The following CSMD1 variants were observed in gnomAD, a reference collection of about 807,000 sequenced individuals.
CSMD1 encodes CUB and sushi domain-containing protein 1.
A neutral mutation model predicts 417.5 loss-of-function variants in CSMD1; 213 were observed. That is an observed-to-expected ratio of 0.51 (90% CI 0.46 to 0.57). CSMD1 has a LOEUF of 0.57. CSMD1 is among the 20% of genes least tolerant of loss of function. The pLI is 0.00. For missense variants in CSMD1, 6,923 were observed against 4,529.7 expected, an observed-to-expected ratio of 1.53 and a Z score of -15.17; for synonymous variants, 2,862 against 1,736.8, an observed-to-expected ratio of 1.65 and a Z score of -16.11.
chr8:3,710,702 G>C (rs1423016125), intron 6 of CSMD1, among the ~76,000 whole-genome samples: 1 of 152,152 alleles, frequency 6.6e-6, no homozygotes, highest in Non-Finnish European at 1.5e-5. Flanking sequence ...CAGCGACACT[G>C]TGCAGTATTT....
intron 25 of CSMD1, among the ~76,000 whole-genome samples, chr8:3,298,874 C>T (rs1046116069): frequency 6.6e-5 from 10 of 152,268 alleles, no homozygotes; most frequent in African/African-American, 1.7e-4. Flanking sequence ...AGATAATTTT[C>T]CCTTTCTTTA....
chr8:4,338,784 T>TTAGTTTACCCAAATTGAACCCAAA (rs1563070956), intron 3 of CSMD1, among the ~76,000 whole-genome samples: 1 of 152,092 alleles, frequency 6.6e-6, no homozygotes, highest in Non-Finnish European at 1.5e-5. Flanking sequence ...ATGAATCATA[T>TTAGTTTACCCAAATTGAACCCAAA]TGATATTAGT....
intron 7 of CSMD1, among the ~76,000 whole-genome samples, chr8:3,706,399 G>C (rs1791012914): frequency 6.6e-6 from 1 of 152,092 alleles, no homozygotes; most frequent in South Asian, 2.1e-4. Flanking sequence ...ACCTTTCTTT[G>C]GAATGACACA....
intron 5 of CSMD1, among the ~76,000 whole-genome samples, chr8:3,827,210 C>A (rs1003077385): frequency 1.3e-5 from 2 of 152,174 alleles, no homozygotes; most frequent in Non-Finnish European, 2.9e-5. Context: ...AGAGTAGGGA[C>A]AAACTTGTCT....
At chr8:4,485,974 TG>T (rs1801356989) in intron 2 of CSMD1, among the ~76,000 whole-genome samples, 1 of 151,964 alleles carries the variant, frequency 6.6e-6, no homozygotes, top group South Asian at 2.1e-4. Flanking sequence ...TGATACACAC[TG>T]GAAGATCTGC....
intron 3 of CSMD1, among the ~76,000 whole-genome samples, chr8:4,369,322 AT>A (rs1001053760): frequency 4.0e-5 from 6 of 151,618 alleles, no homozygotes; most frequent in East Asian, 3.9e-4. Context: ...TATGAATTGA[AT>A]TTTTTTTTAA....
At chr8:2,953,468 AC>A (rs1050308002) in intron 65 of CSMD1, among the ~76,000 whole-genome samples, 4 of 151,662 alleles carry the variant, frequency 2.6e-5, no homozygotes, top group African/African-American at 9.7e-5. Flanking sequence ...AAAAAAAAAA[AC>A]AGTGTTAAAA....
At chr8:4,498,327 A>G (rs1802080183) in intron 2 of CSMD1, among the ~76,000 whole-genome samples, 1 of 152,126 alleles carries the variant, frequency 6.6e-6, no homozygotes, top group Non-Finnish European at 1.5e-5. Context: ...CTATTTAGAC[A>G]CACACACGTT....
chr8:4,774,005 G>T (rs186307239), intron 1 of CSMD1, among the ~76,000 whole-genome samples: 2 of 152,190 alleles, frequency 1.3e-5, no homozygotes, highest in African/African-American at 4.8e-5. Context: ...AGACCAGCCT[G>T]GCCAACATGG....
intron 10 of CSMD1, among the ~76,000 whole-genome samples, chr8:3,570,397 G>A (rs567660449): frequency 3.9e-5 from 6 of 152,088 alleles, no homozygotes; most frequent in Admixed American, 1.3e-4. Context: ...GGCATTTGAC[G>A]CAATGGGATA....
intron 12 of CSMD1, among the ~76,000 whole-genome samples, chr8:3,414,062 C>G (rs1380747041): frequency 6.6e-6 from 1 of 150,560 alleles, no homozygotes; most frequent in Non-Finnish European, 1.5e-5. Context: ...TTACTTGAAA[C>G]CAGGAGGTGG....
intron 23 of CSMD1, among the ~76,000 whole-genome samples, chr8:3,322,801 C>T (rs1359699617): frequency 1.3e-5 from 2 of 152,238 alleles, no homozygotes; most frequent in East Asian, 3.9e-4. Context: ...GGCATTTCTC[C>T]TGTCCAGTCT....
chr8:3,789,116 A>T (rs1353483454), intron 5 of CSMD1, among the ~76,000 whole-genome samples: 2 of 152,168 alleles, frequency 1.3e-5, no homozygotes, highest in East Asian at 3.9e-4. Context: ...AGCCTTTGGA[A>T]GGTGACTAAG....
chr8:3,726,296 G>T (rs927528025), intron 6 of CSMD1, among the ~76,000 whole-genome samples: 1 of 152,160 alleles, frequency 6.6e-6, no homozygotes, highest in Non-Finnish European at 1.5e-5. Flanking sequence ...TAAAAAATAC[G>T]TGAGCTCAGA....
chr8:3,421,069 G>A (rs1305218279), intron 12 of CSMD1, among the ~76,000 whole-genome samples: 6 of 152,128 alleles, frequency 3.9e-5, no homozygotes, highest in East Asian at 1.9e-4. Flanking sequence ...TACAATAACT[G>A]AAGACGAAGC....
chr8:3,205,367 C>T lies in CSMD1; in HGVS notation c.4984+137G>A. ...ATTGTGCAGGATATGTTTGGAAGGC[C>T]TGCTACTTAAATGCAACTCATTTGC... On this transcript the variant is annotated intron_variant, in intron 31 of 69. Transcript: ENST00000635120. 10 of 569,894 alleles carry T rather than the reference C, an allele frequency of 1.8e-5. No homozygotes were observed. In the South Asian group the frequency reaches 2.1e-4, roughly 12 times the overall value. 35.3% of individuals were successfully genotyped at this position (569,894 alleles called of 1,614,324 possible).
chr8:3,909,890 G>T (rs1012535723), intron 5 of CSMD1, among the ~76,000 whole-genome samples: 5 of 152,172 alleles, frequency 3.3e-5, no homozygotes, highest in African/African-American at 1.2e-4. Flanking sequence ...ATCGTTAAAA[G>T]ACTAAGCCCT....
chr8:3,752,071 C>A (rs1047465077), intron 6 of CSMD1, among the ~76,000 whole-genome samples: 1 of 152,184 alleles, frequency 6.6e-6, no homozygotes, highest in Non-Finnish European at 1.5e-5. Flanking sequence ...TCATTCAAAC[C>A]CACCCAGCCT....
At chr8:3,656,236 C>A (rs1798097527) in intron 7 of CSMD1, among the ~76,000 whole-genome samples, 1 of 152,022 alleles carries the variant, frequency 6.6e-6, no homozygotes, top group South Asian at 2.1e-4. Context: ...TGTGAGGGAC[C>A]CAGGTAAACA....
Sources: gnomAD v4.1 joint callset for allele counts (sites outside exome capture counted in the v4.1 genomes callset) on GRCh38, gnomAD v4.1.1 for gene constraint, MANE v1.5 for transcripts, NCBI Gene and HGNC (gene_info 2026-07-23, HGNC 2026-07-21) for gene names.